The following COL8A1 variants were observed in gnomAD, a reference collection of about 807,000 sequenced individuals.
COL8A1 encodes the protein collagen type VIII alpha 1 chain, also known as collagen alpha-1(VIII) chain.
COL8A1 carries 21 observed loss-of-function variants against 42.7 expected under a neutral mutation model. The observed-to-expected ratio is 0.49, with a 90% CI of 0.35 to 0.71. The LOEUF is 0.71. Ranked by LOEUF, COL8A1 falls within the 30% of genes least tolerant of loss-of-function variation. The probability of loss-of-function intolerance (pLI) is 0.01; values close to 1 mark genes in which losing one functional copy is unlikely to be tolerated. For missense variants in COL8A1, 788 were observed against 962.4 expected, an observed-to-expected ratio of 0.82 and a Z score of 2.40; for synonymous variants, 367 against 369.1, an observed-to-expected ratio of 0.99 and a Z score of 0.06.
At chr3:99,691,203 A>G (rs571123945) in intron 1 of COL8A1, among the ~76,000 whole-genome samples, 1 of 152,292 alleles carries the variant, frequency 6.6e-6, no homozygotes, top group East Asian at 1.9e-4. Flanking sequence ...TGGCCAAAAT[A>G]CTGAGCCCAG....
In COL8A1 at chr3:99,795,339, G is replaced by T; in HGVS notation, c.1438G>T (p.Gly480Ter). The T allele has an allele frequency of 6.3e-7, 1 of 1,595,886 alleles. No homozygotes were observed. Among genetic ancestry groups the T allele is most frequent in the African/African-American group, 1.3e-5 (1 of 74,648 alleles). Reference protein sequence around the residue: ...PGLPGVPGLLGPKGEPGIPGD... With the variant: ...PGLPGVPGLL ...ACTCCCTGGTGTTCCAGGGCTTCTC[G>T]GACCTAAGGGAGAGCCAGGAATCCC... The change falls in exon 4 of 4, where the codon GGA becomes TGA. Residue 480 changes from glycine (G) to a stop codon, truncating the protein, a stop_gained. Coordinates refer to ENST00000652472, the MANE Select transcript of COL8A1 (RefSeq NM_020351.4). LOFTEE classifies it high-confidence loss of function.
At chr3:99,752,718 A>C (rs1342946599) in intron 2 of COL8A1, among the ~76,000 whole-genome samples, 1 of 147,484 alleles carries the variant, frequency 6.8e-6, no homozygotes, top group African/African-American at 2.5e-5. Context: ...ATGCATGTAC[A>C]CATATGCACA....
Position 99,798,146 on chromosome 3 carries a change from CT to C in COL8A1, c.*2012del, listed in dbSNP as rs1268993873. 2 of 152,158 alleles carry C rather than the reference CT, an allele frequency of 1.3e-5. No homozygotes were observed. Among genetic ancestry groups the C allele is most frequent in the Non-Finnish European group, 2.9e-5 (2 of 68,042 alleles). 9.4% of individuals were successfully genotyped at this position (152,158 alleles called of 1,614,324 possible). On this transcript the variant is annotated 3_prime_UTR_variant, in exon 4 of 4. Transcript: ENST00000652472. ...AATCATTATTACCATCACAAAAATT[CT>C]TCTCTTGGCCAATATCTCATTTCCC...
At chr3:99,786,345 A>C (rs1277617079) in intron 2 of COL8A1, among the ~76,000 whole-genome samples, 1 of 152,214 alleles carries the variant, frequency 6.6e-6, no homozygotes, top group African/African-American at 2.4e-5. Flanking sequence ...TAATTAGATC[A>C]TGAGTGCAAA....
At chr3:99,667,809 A>G (rs1938412752) in intron 1 of COL8A1, among the ~76,000 whole-genome samples, 1 of 152,146 alleles carries the variant, frequency 6.6e-6, no homozygotes, top group African/African-American at 2.4e-5. Flanking sequence ...TAAAAGAAAA[A>G]CAAGTGCACT....
chr3:99,759,558 T>G (rs1941326263), intron 2 of COL8A1, among the ~76,000 whole-genome samples: 1 of 152,218 alleles, frequency 6.6e-6, no homozygotes, highest in African/African-American at 2.4e-5. Context: ...ACTCTTAGGA[T>G]GTCAGACACA....
intron 1 of COL8A1, among the ~76,000 whole-genome samples, chr3:99,683,615 C>G (rs978584423): frequency 7.4e-5 from 11 of 149,110 alleles, no homozygotes; most frequent in Admixed American, 6.7e-4. Flanking sequence ...TTTTTTTTTT[C>G]AAAGGAGTGG....
chr3:99,791,514 T>C (rs1942000447), intron 3 of COL8A1, among the ~76,000 whole-genome samples: 1 of 152,248 alleles, frequency 6.6e-6, no homozygotes, highest in East Asian at 1.9e-4. Flanking sequence ...TCTAATTACA[T>C]ATGTCAATCA....
intron 1 of COL8A1, among the ~76,000 whole-genome samples, chr3:99,684,908 C>A (rs1230375848): frequency 6.6e-6 from 1 of 152,100 alleles, no homozygotes; most frequent in African/African-American, 2.4e-5. Flanking sequence ...TATTTGCTGG[C>A]GTAATTGCAG....
chr3:99,740,686 G>C (rs1255042455), intron 1 of COL8A1, among the ~76,000 whole-genome samples: 1 of 152,112 alleles, frequency 6.6e-6, no homozygotes, highest in Non-Finnish European at 1.5e-5. Context: ...GATGAGATTT[G>C]GGTGAGGACA....
At chr3:99,788,803 T>C (rs1276905294) in intron 2 of COL8A1, among the ~76,000 whole-genome samples, 1 of 152,230 alleles carries the variant, frequency 6.6e-6, no homozygotes, top group East Asian at 1.9e-4. Flanking sequence ...GTATATGATA[T>C]GTGCATATCC....
At chr3:99,708,763 A>G (rs1255835474) in intron 1 of COL8A1, among the ~76,000 whole-genome samples, 1 of 152,146 alleles carries the variant, frequency 6.6e-6, no homozygotes. Flanking sequence ...ATAACACCAA[A>G]TTTTGCTTAT....
chr3:99,657,065 C>T (rs372975987), intron 1 of COL8A1, among the ~76,000 whole-genome samples: 1 of 152,172 alleles, frequency 6.6e-6, no homozygotes, highest in Admixed American at 6.5e-5. Context: ...CTTGAACTTG[C>T]TTTTAGGACA....
chr3:99,690,257 ATATT>A (rs1191461853), intron 1 of COL8A1, among the ~76,000 whole-genome samples: 1 of 152,370 alleles, frequency 6.6e-6, no homozygotes, highest in African/African-American at 2.4e-5. Context: ...TGATACTTTA[ATATT>A]CTTCTGTGCT....
At chr3:99,727,920 G>A (rs1347426841) in intron 1 of COL8A1, among the ~76,000 whole-genome samples, 1 of 151,552 alleles carries the variant, frequency 6.6e-6, no homozygotes, top group Non-Finnish European at 1.5e-5. Flanking sequence ...ATGCAGAAAA[G>A]GCCTTTGACA....
At chr3:99,729,061 C>T (rs546418002) in intron 1 of COL8A1, among the ~76,000 whole-genome samples, 1 of 152,098 alleles carries the variant, frequency 6.6e-6, no homozygotes, top group South Asian at 2.1e-4. Context: ...TTCCATATTT[C>T]CTCAACAAGA....
chr3:99,744,340 A>G (rs1364701504), intron 1 of COL8A1, among the ~76,000 whole-genome samples: 1 of 152,252 alleles, frequency 6.6e-6, no homozygotes, highest in Non-Finnish European at 1.5e-5. Flanking sequence ...GACAAGTCCC[A>G]TATGCTTTGT....
chr3:99,676,559 C>T (rs1356468804), intron 1 of COL8A1, among the ~76,000 whole-genome samples: 1 of 152,016 alleles, frequency 6.6e-6, no homozygotes, highest in Admixed American at 6.6e-5. Context: ...ACAAAAAGTG[C>T]CTAGCAAACC....
intron 1 of COL8A1, among the ~76,000 whole-genome samples, chr3:99,699,772 C>T (rs777916371): frequency 3.3e-5 from 5 of 152,272 alleles, no homozygotes; most frequent in Non-Finnish European, 7.4e-5. Flanking sequence ...TAAATATTGA[C>T]ATCCTCTTTC....
Sources: gnomAD v4.1 joint callset for allele counts (sites outside exome capture counted in the v4.1 genomes callset) on GRCh38, gnomAD v4.1.1 for gene constraint, MANE v1.5 for transcripts, NCBI Gene and HGNC (gene_info 2026-07-23, HGNC 2026-07-21) for gene names.